SLC28A1: variants seen among roughly 807,000 people sequenced by gnomAD.
SLC28A1 encodes the protein sodium/nucleoside cotransporter 1.
Under a neutral mutation model 74.8 loss-of-function variants are expected in SLC28A1, and 64 were observed. That is an observed-to-expected ratio of 0.86 (90% CI 0.70 to 1.05). SLC28A1 has a LOEUF of 1.05. Among genes scored for constraint, SLC28A1 ranks in the 50% least tolerant of loss-of-function variants. SLC28A1 has a pLI of 0.00. For synonymous variants in SLC28A1, 359 were observed against 335.0 expected, an observed-to-expected ratio of 1.07 and a Z score of -0.78; for missense variants, 828 against 822.8, an observed-to-expected ratio of 1.01 and a Z score of -0.08.
chr15:84,943,389 G>A, intron 15 of SLC28A1, 56 bp from the exon 16 acceptor site: 6 of 1,273,914 alleles, frequency 4.7e-6, no homozygotes, highest in Non-Finnish European at 6.9e-6. Context: ...GTGTTATAGG[G>A]GTGCCCCAGG....
At chr15:84,931,651 CAAAAAAAAAAA>C (rs60407699) in intron 12 of SLC28A1, among the ~76,000 whole-genome samples, 1 of 52,404 alleles carries the variant, frequency 1.9e-5, no homozygotes. Flanking sequence ...GACTCCATCT[CAAAAAAAAAAA>C]AAAAAAAAAA....
At chr15:84,903,412 C>T (rs1359204757) in intron 6 of SLC28A1, among the ~76,000 whole-genome samples, 1 of 152,220 alleles carries the variant, frequency 6.6e-6, no homozygotes, top group East Asian at 1.9e-4. Flanking sequence ...TAGTACCTGG[C>T]ATATAATAGG....
At chr15:84,896,879 CAT>C (rs1161067719) in intron 6 of SLC28A1, among the ~76,000 whole-genome samples, 2 of 152,116 alleles carry the variant, frequency 1.3e-5, no homozygotes, top group African/African-American at 4.8e-5. Flanking sequence ...CTTAAAGAAC[CAT>C]ATACGGCATG....
At chr15:84,909,682 T>C (rs187022729) in intron 9 of SLC28A1, among the ~76,000 whole-genome samples, 1 of 152,346 alleles carries the variant, frequency 6.6e-6, no homozygotes, top group African/African-American at 2.4e-5. Flanking sequence ...CAGCTTGCTC[T>C]AGGCTTAAGC....
At chr15:84,905,392 G>C in intron 7 of SLC28A1, 147 bp from the exon 8 acceptor site, 1 of 675,490 alleles carries the variant, frequency 1.5e-6, no homozygotes, top group Non-Finnish European at 2.7e-6. Context: ...CCCAGGGAGG[G>C]TGTGACCACT....
chr15:84,886,351 C>T (rs1038024650), intron 1 of SLC28A1: 2 of 984,584 alleles, frequency 2.0e-6, no homozygotes, highest in Non-Finnish European at 1.2e-6. Context: ...AGCTAACAGC[C>T]TGGCTGGGGA....
At chr15:84,889,917 C>G (rs1275097910) in intron 4 of SLC28A1, among the ~76,000 whole-genome samples, 1 of 150,406 alleles carries the variant, frequency 6.6e-6, no homozygotes, top group African/African-American at 2.5e-5. Flanking sequence ...TGCAGTGGCA[C>G]GAACCCTTCC....
At chr15:84,951,344 G>A in the SLC28A1 span, among the ~76,000 whole-genome samples, 2 of 151,850 alleles carry the variant, frequency 1.3e-5, no homozygotes, top group African/African-American at 4.8e-5. Flanking sequence ...GGCTGAGACA[G>A]GCTTGAGCCT....
At chr15:84,970,230 A>T in the SLC28A1 span, among the ~76,000 whole-genome samples, 1 of 152,194 alleles carries the variant, frequency 6.6e-6, no homozygotes, top group African/African-American at 2.4e-5. Flanking sequence ...AGAGGCAGAA[A>T]ATGGTTAGGT....
rs1368698954 is a variant in SLC28A1, at chr15:84,904,176, T to C, written c.541T>C (p.Ser181Pro). 6.2e-7 allele frequency: 1 copy of C among 1,614,236 alleles called. No individual in the cohort carries two copies. The highest frequency in any genetic ancestry group is 8.5e-7 in the Non-Finnish European group (1 of 1,180,044). ...CTCCCAGCGGCCTGAGCAACTGGTGTCCTTCGCAGGAATCTGCGTGTTCGT... is the reference window on the plus strand; with the variant it reads ...CTCCCAGCGGCCTGAGCAACTGGTGCCCTTCGCAGGAATCTGCGTGTTCGT... The part of the protein sequence containing the change: ...DTSQRPEQLV[S>P]FAGICVFVAL... The change falls in exon 7 of 19, where the codon TCC (serine) becomes CCC (proline). Residue 181 changes from serine to proline, a missense_variant. Physicochemically the swap from Ser to Pro is moderately conservative, Grantham distance 74 (BLOSUM62 -1). Coordinates refer to ENST00000394573, the MANE Select transcript of SLC28A1 (RefSeq NM_004213.5).
chr15:84,938,229 G>A lies in SLC28A1; in HGVS notation c.1581+2711G>A, dbSNP rs544665145. ...AAAAAAAAAAAAAGGTTTCTATAGAGTAAAAAGCACAAGTTTCCCCTCACT... is the reference window on the plus strand; with the variant it reads ...AAAAAAAAAAAAAGGTTTCTATAGAATAAAAAGCACAAGTTTCCCCTCACT... On this transcript the variant is annotated intron_variant, in intron 15 of 18. Transcript: ENST00000394573. Among the ~76,000 whole-genome samples, 460 of 150,162 alleles carry A rather than the reference G, an allele frequency of 3.1e-3. 5 individuals carry two copies. Among genetic ancestry groups the A allele is most frequent in the Middle Eastern group, 0.01 (3 of 286 alleles).
At chr15:84,962,395 C>T in the SLC28A1 span, among the ~76,000 whole-genome samples, 2 of 152,086 alleles carry the variant, frequency 1.3e-5, no homozygotes, top group African/African-American at 4.8e-5. Flanking sequence ...TTTATAGAGA[C>T]TCTGTAAGGT....
chr15:84,930,347 G>T (rs1971117570), intron 12 of SLC28A1, among the ~76,000 whole-genome samples: 1 of 152,212 alleles, frequency 6.6e-6, no homozygotes, highest in Non-Finnish European at 1.5e-5. Flanking sequence ...GCCCCAAGTG[G>T]GTTTCATCCA....
At chr15:84,973,419 A>G in the SLC28A1 span, among the ~76,000 whole-genome samples, 17 of 152,210 alleles carry the variant, frequency 1.1e-4, no homozygotes, top group Non-Finnish European at 1.0e-4. Flanking sequence ...ATCAACACCC[A>G]TTAACTCTAG....
intron 8 of SLC28A1, among the ~76,000 whole-genome samples, chr15:84,906,495 A>G (rs1967128715): frequency 6.8e-6 from 1 of 147,858 alleles, no homozygotes; most frequent in Non-Finnish European, 1.5e-5. Context: ...GCTAATTAAA[A>G]CATGGTTTGT....
At chr15:84,961,155 T>TA in the SLC28A1 span, among the ~76,000 whole-genome samples, 2 of 152,192 alleles carry the variant, frequency 1.3e-5, no homozygotes, top group East Asian at 1.9e-4. Flanking sequence ...CAGGCATTTT[T>TA]GCCTAGCCTT....
downstream of SLC28A1, among the ~76,000 whole-genome samples, chr15:84,947,823 G>C (rs1348082386): frequency 1.3e-5 from 2 of 152,162 alleles, no homozygotes; most frequent in Non-Finnish European, 2.9e-5. Context: ...TAGGATTTCA[G>C]CATATGAACT....
chr15:84,887,928 G>A (rs1309320834), intron 3 of SLC28A1, 72 bp downstream of exon 3: 2 of 1,120,178 alleles, frequency 1.8e-6, no homozygotes, highest in African/African-American at 3.1e-5. Flanking sequence ...CCGAGGTGAT[G>A]AGGCTTTTGC....
intron 9 of SLC28A1, among the ~76,000 whole-genome samples, chr15:84,909,236 C>T (rs1330550373): frequency 6.6e-6 from 1 of 152,098 alleles, no homozygotes; most frequent in Middle Eastern, 3.2e-3. Context: ...CTTCAGGGCC[C>T]CTCACAGGCC....
Sources: gnomAD v4.1 joint callset for allele counts (sites outside exome capture counted in the v4.1 genomes callset) on GRCh38, gnomAD v4.1.1 for gene constraint, MANE v1.5 for transcripts, NCBI Gene and HGNC (gene_info 2026-07-23, HGNC 2026-07-21) for gene names.